Variants in DYRK3 observed in about 807,000 individuals in gnomAD.
DYRK3 encodes the protein dual specificity tyrosine phosphorylation regulated kinase 3, also known as dual specificity tyrosine-phosphorylation-regulated kinase 3.
A neutral mutation model predicts 40.8 loss-of-function variants in DYRK3; 30 were observed. The observed-to-expected ratio is 0.74, with a 90% CI of 0.55 to 1.00. The LOEUF is 1.00. Among genes scored for constraint, DYRK3 ranks in the 50% least tolerant of loss-of-function variants. The probability of loss-of-function intolerance (pLI) is 0.00; values close to 1 mark genes in which losing one functional copy is unlikely to be tolerated. For missense variants in DYRK3, 699 were observed against 731.5 expected (o/e 0.96, Z 0.51); for synonymous variants, 272 against 260.7 (o/e 1.04, Z -0.42).
Position 206,648,891 on chromosome 1 carries a change from C to A in DYRK3, c.1693C>A (p.Leu565Ile), listed in dbSNP as rs782601735. The A allele has an allele frequency of 6.2e-7, 1 of 1,614,158 alleles. No individual in the cohort carries two copies. Among genetic ancestry groups the A allele is most frequent in the Non-Finnish European group, 8.5e-7 (1 of 1,180,034 alleles). The stretch of plus-strand genomic sequence containing the variant: ...TCCAGTTGTTGGAATAGCCAATAAG[C>A]TTAAAGCTAACTTAATGTCAGAAAC... Reference protein sequence around the residue: ...LPPVVGIANKLKANLMSETNG... With the variant: ...LPPVVGIANKIKANLMSETNG... Residue 565 changes from leucine (L) to isoleucine (I), a missense_variant, in exon 3 of 3, where the codon CTT becomes ATT. Coordinates refer to ENST00000367109, the MANE Select transcript of DYRK3 (RefSeq NM_003582.4).
chr1:206,636,789 G>A, intron 1 of DYRK3: 1 of 755,268 alleles, frequency 1.3e-6, no homozygotes. Flanking sequence ...TGGGAAATCC[G>A]TGTTCTTGGT....
intron 1 of DYRK3, chr1:206,637,031 A>T (rs1378279478): frequency 1.2e-5 from 15 of 1,266,124 alleles, no homozygotes; most frequent in Non-Finnish European, 1.7e-5. Context: ...TACTTACTGT[A>T]TTTTTCTGCA....
At chr1:206,638,235 T>C (rs1478550243) in intron 2 of DYRK3, among the ~76,000 whole-genome samples, 2 of 151,168 alleles carry the variant, frequency 1.3e-5, no homozygotes, top group Non-Finnish European at 2.9e-5. Context: ...TGGTTTTTAA[T>C]GCACTTAATC....
intron 2 of DYRK3, among the ~76,000 whole-genome samples, chr1:206,642,088 A>G (rs1428939114): frequency 2.7e-5 from 4 of 150,626 alleles, no homozygotes; most frequent in East Asian, 2.0e-4. Flanking sequence ...ACAAGAAAAA[A>G]TCAAACAGCC....
At chr1:206,641,593 C>T (rs1328860201) in intron 2 of DYRK3, among the ~76,000 whole-genome samples, 3 of 150,164 alleles carry the variant, frequency 2.0e-5, no homozygotes, top group Non-Finnish European at 4.4e-5. Context: ...TTATTTATAA[C>T]ACATCAGACT....
intron 1 of DYRK3, chr1:206,636,222 C>T (rs543045157): frequency 2.0e-6 from 1 of 509,108 alleles, no homozygotes; most frequent in Non-Finnish European, 3.8e-6. Context: ...TTCGAATGTA[C>T]AGGTTATGGG....
chr1:206,642,939 TATA>T (rs1270281438), intron 2 of DYRK3, among the ~76,000 whole-genome samples: 4 of 151,144 alleles, frequency 2.6e-5, no homozygotes, highest in Non-Finnish European at 5.9e-5. Flanking sequence ...ATAATAAAAA[TATA>T]ATAATAATAA....
intron 2 of DYRK3, 128 bp from the exon 3 acceptor site, chr1:206,647,260 T>G: frequency 2.1e-6 from 2 of 957,690 alleles, no homozygotes; most frequent in Non-Finnish European, 1.5e-6. Context: ...TCTTATCTTC[T>G]TTTTGGGTCA....
In DYRK3 at chr1:206,652,358, C is replaced by G. The variant is rs1165862514; in HGVS notation, c.*3393C>G. 6.6e-6 allele frequency among the ~76,000 whole-genome samples: 1 copy of G among 152,116 alleles called. No individual in the cohort carries two copies. The highest frequency in any genetic ancestry group is 1.5e-5 in the Non-Finnish European group (1 of 68,024). ...GGTGTTTGTGTTTTTAGTGAGAGTT[C>G]TAGCCAGTACTGTGCCTGAACTTGG... On this transcript the variant is annotated 3_prime_UTR_variant, in exon 3 of 3. Coordinates refer to ENST00000367109, the MANE Select transcript of DYRK3 (RefSeq NM_003582.4).
chr1:206,645,305 C>T (rs548358308), intron 2 of DYRK3, among the ~76,000 whole-genome samples: 5 of 152,206 alleles, frequency 3.3e-5, no homozygotes, highest in South Asian at 4.1e-4. Context: ...AGAGCTCCTC[C>T]GGAATTAATC....
At chr1:206,635,963 C>T in intron 1 of DYRK3, 183 bp downstream of exon 1, 1 of 1,336,262 alleles carries the variant, frequency 7.5e-7, no homozygotes, top group Non-Finnish European at 9.6e-7. Flanking sequence ...CCCCCCATCC[C>T]TGTCTCACCG....
At position 206,637,644 on chromosome 1, in the gene DYRK3, A is replaced by G; in HGVS notation, c.78-6A>G. 1 of 1,604,374 alleles carries G rather than the reference A, an allele frequency of 6.2e-7. No individual in the cohort carries two copies. Among genetic ancestry groups the G allele is most frequent in the Non-Finnish European group, 8.5e-7 (1 of 1,171,908 alleles). ...GACAGATTTTGTCTGTAATCCTTTT[A>G]ACTAGGTTGGGGGATGGTGTCTATG... On this transcript the variant is annotated splice_polypyrimidine_tract_variant and splice_region_variant and intron_variant, in intron 1 of 2. Transcript: ENST00000367109.
intron 1 of DYRK3, chr1:206,636,802 C>A: frequency 1.1e-6 from 1 of 895,064 alleles, no homozygotes; most frequent in South Asian, 2.0e-5. Flanking sequence ...TTCTTGGTAG[C>A]AGATGAAATA....
rs781990371 is a variant in DYRK3 at position 206,647,906 on chromosome 1, C to G, written c.708C>G (p.Ala236=). The change falls in exon 3 of 3, where the codon GCC becomes GCG. Residue 236 remains alanine, a synonymous_variant. Coordinates refer to ENST00000367109, the MANE Select transcript of DYRK3 (RefSeq NM_003582.4). ...VYDHKLRQYV[A]LKMVRNEKRF... The stretch of plus-strand genomic sequence containing the variant: ...ATCACAAACTTCGACAGTACGTGGC[C>G]CTAAAAATGGTGCGCAATGAGAAGC... The G allele has an allele frequency of 6.2e-7, 1 of 1,613,844 alleles. No homozygotes were observed. The highest frequency in any genetic ancestry group is 8.5e-7 in the Non-Finnish European group (1 of 1,179,978).
rs781820613 is a variant in DYRK3, at chr1:206,647,923, A to C, written c.725A>C (p.Asn242Thr). ...RQYVALKMVR[N>T]EKRFHRQAAE... ...TACGTGGCCCTAAAAATGGTGCGCAATGAGAAGCGCTTTCATCGTCAAGCA... is the reference window on the plus strand; with the variant it reads ...TACGTGGCCCTAAAAATGGTGCGCACTGAGAAGCGCTTTCATCGTCAAGCA... Residue 242 changes from asparagine to threonine, a missense_variant, in exon 3 of 3, where the codon AAT becomes ACT. By Grantham distance (65) the Asn-to-Thr change is moderately conservative. Coordinates refer to ENST00000367109, the MANE Select transcript of DYRK3 (RefSeq NM_003582.4). 1.2e-6 allele frequency: 2 copies of C among 1,614,044 alleles called. No individual in the cohort carries two copies. Among genetic ancestry groups the C allele is most frequent in the South Asian group, 2.2e-5 (2 of 91,074 alleles).
rs1011367358 is a variant in DYRK3 at position 206,654,642 on chromosome 1, G to A, written c.*5677G>A. On this transcript the variant is annotated 3_prime_UTR_variant, in exon 3 of 3. Coordinates refer to ENST00000367109, the MANE Select transcript of DYRK3 (RefSeq NM_003582.4). ...GATTAGGGTGTTTTTCTGAGTGTCT[G>A]TCAAATTATGCTGGCTAATTTCAAT... is the stretch of plus-strand genomic sequence containing the variant. Among the ~76,000 whole-genome samples the A allele has an allele frequency of 6.6e-6, 1 of 152,128 alleles. No homozygotes were observed. The highest frequency in any genetic ancestry group is 2.4e-5 in the African/African-American group (1 of 41,432).
intron 2 of DYRK3, 56 bp downstream of exon 2, chr1:206,637,817 T>C (rs1329015818): frequency 4.4e-6 from 6 of 1,378,744 alleles, no homozygotes; most frequent in Non-Finnish European, 6.2e-6. Context: ...GAGGAAGTGC[T>C]ACTTAATGCT....
At chr1:206,645,890 G>A (rs982278305) in intron 2 of DYRK3, among the ~76,000 whole-genome samples, 3 of 151,260 alleles carry the variant, frequency 2.0e-5, no homozygotes, top group South Asian at 2.1e-4. Flanking sequence ...TCACTCTGTC[G>A]CTCAGGCTGG....
chr1:206,636,770 G>A lies in DYRK3; in HGVS notation c.78-880G>A, dbSNP rs782464562. The stretch of plus-strand genomic sequence containing the variant: ...TAAAATGATACAATGAAATGCTGAT[G>A]TGTGTAACTGGGAAATCCGTGTTCT... On this transcript the variant is annotated intron_variant, in intron 1 of 2. Coordinates refer to ENST00000367109, the MANE Select transcript of DYRK3 (RefSeq NM_003582.4). The A allele has an allele frequency of 3.5e-4, 203 of 587,004 alleles. 1 individual carries two copies. Among genetic ancestry groups the A allele is most frequent in the Non-Finnish European group, 4.7e-5 (16 of 341,852 alleles). 36.4% of individuals were successfully genotyped at this position (587,004 alleles called of 1,614,324 possible). A position where few individuals can be genotyped will look rare whatever the true frequency, so the allele number is the denominator to read the frequency against.
Sources: gnomAD v4.1 joint callset for allele counts (sites outside exome capture counted in the v4.1 genomes callset) on GRCh38, gnomAD v4.1.1 for gene constraint, MANE v1.5 for transcripts, NCBI Gene and HGNC (gene_info 2026-07-23, HGNC 2026-07-21) for gene names.